Variants in IMPG1 observed in about 807,000 individuals in gnomAD.
IMPG1 encodes the protein interphotoreceptor matrix proteoglycan 1, also known as interphotoreceptor matrix proteoglycan of 150 kDa.
A neutral mutation model predicts 92.0 loss-of-function variants in IMPG1; 85 were observed. That is an observed-to-expected ratio of 0.92 (90% CI 0.78 to 1.11). The LOEUF is 1.11. Ranked by LOEUF, IMPG1 falls within the 50% of genes least tolerant of loss-of-function variation. The pLI is 0.00. For missense variants in IMPG1, 1,022 were observed against 956.0 expected, an observed-to-expected ratio of 1.07 and a Z score of -0.91; for synonymous variants, 367 against 334.1, an observed-to-expected ratio of 1.10 and a Z score of -1.08.
intron 1 of IMPG1, among the ~76,000 whole-genome samples, chr6:76,065,755 A>T (rs900479940): frequency 1.3e-5 from 2 of 152,110 alleles, no homozygotes; most frequent in African/African-American, 4.8e-5. Flanking sequence ...TGCAAAATGA[A>T]CTTCACAGAG....
intron 15 of IMPG1, among the ~76,000 whole-genome samples, chr6:75,924,667 A>ATATCATATTATATAT (rs376659354): frequency 1.2e-4 from 1 of 8,008 alleles, no homozygotes; most frequent in African/African-American, 4.2e-4. Context: ...AATATATAAT[A>ATATCATATTATATAT]AATTATATAT....
chr6:76,032,453 TA>T (rs923509455), intron 4 of IMPG1, among the ~76,000 whole-genome samples: 4 of 152,228 alleles, frequency 2.6e-5, no homozygotes, highest in Non-Finnish European at 5.9e-5. Flanking sequence ...AATATCTTTT[TA>T]AAATCTATAA....
In IMPG1 at chr6:75,972,608, T is replaced by A. The variant is rs563049098; in HGVS notation, c.1292-21514A>T. The stretch of plus-strand genomic sequence containing the variant: ...GCAGTCCATTTCTTTGAGACATGCC[T>A]AATTAATGAACAGTCTCCCAATTTT... On this transcript the variant is annotated intron_variant, in intron 12 of 16. Coordinates refer to ENST00000369950, the MANE Select transcript of IMPG1 (RefSeq NM_001563.4). Among the ~76,000 whole-genome samples, 404 of 152,336 alleles carry A rather than the reference T, an allele frequency of 2.7e-3. 1 individual carries two copies. Among genetic ancestry groups the A allele is most frequent in the African/African-American group, 9.4e-3 (392 of 41,580 alleles).
In IMPG1 at chr6:75,924,902, C is replaced by G. The variant is rs1319393681; in HGVS notation, c.2244-1196G>C. Among the ~76,000 whole-genome samples, 3 of 147,992 alleles carry G rather than the reference C, an allele frequency of 2.0e-5. No homozygotes were observed. In the East Asian group the frequency reaches 5.9e-4, roughly 29 times the overall value. The stretch of plus-strand genomic sequence containing the variant: ...CACAGACAAATACTGCAAGCTCTCA[C>G]TCGTGGAATTTAAAAAGCTGATCTT... On this transcript the variant is annotated intron_variant, in intron 15 of 16. Transcript: ENST00000369950.
At chr6:76,050,374 C>T (rs1784020819) in intron 1 of IMPG1, among the ~76,000 whole-genome samples, 1 of 151,996 alleles carries the variant, frequency 6.6e-6, no homozygotes, top group Non-Finnish European at 1.5e-5. Context: ...ACCTGGGAGG[C>T]GGAGGTTGCA....
At chr6:75,944,642 C>T (rs1472916731) in intron 14 of IMPG1, among the ~76,000 whole-genome samples, 2 of 152,160 alleles carry the variant, frequency 1.3e-5, no homozygotes, top group African/African-American at 4.8e-5. Flanking sequence ...TTTTGTCACT[C>T]TCCAGGTATC....
chr6:76,043,145 A>T (rs1489751363), intron 1 of IMPG1, among the ~76,000 whole-genome samples: 4 of 152,060 alleles, frequency 2.6e-5, no homozygotes, highest in Non-Finnish European at 4.4e-5. Flanking sequence ...TTAACAGTGT[A>T]GTCAGATCTC....
At position 76,022,172 on chromosome 6, in the gene IMPG1, T is replaced by C. The variant is rs1164791706; in HGVS notation, c.610A>G (p.Thr204Ala). The C allele has an allele frequency of 3.8e-6, 6 of 1,598,460 alleles. No homozygotes were observed. The highest frequency in any genetic ancestry group is 5.1e-6 in the Non-Finnish European group (6 of 1,169,298). Reference sequence around the variant, plus strand: ...TTATCGAGAATTTCATTGAGGAGGGTGTCATCAGGAGTGAGAGGGAAAGGC... The same window carrying C: ...TTATCGAGAATTTCATTGAGGAGGGCGTCATCAGGAGTGAGAGGGAAAGGC... ...LGPFPLTPDD[T>A]LLNEILDNTL... Residue 204 changes from threonine to alanine, a missense_variant, in exon 6 of 17, where the codon ACC becomes GCC. Physicochemically the swap from Thr to Ala is moderately conservative, Grantham distance 58 (BLOSUM62 0). Around this residue, in one of 3 missense-constraint regions of IMPG1, gnomAD observed 681 missense variants for 583.6 expected, o/e 1.17. Coordinates refer to ENST00000369950, the MANE Select transcript of IMPG1 (RefSeq NM_001563.4).
At chr6:76,016,388 T>C (rs1323858480) in intron 7 of IMPG1, among the ~76,000 whole-genome samples, 3 of 152,220 alleles carry the variant, frequency 2.0e-5, no homozygotes, top group Non-Finnish European at 4.4e-5. Context: ...CTGACTATAC[T>C]AAGGAATTGC....
chr6:76,031,808 G>C (rs1783656811), intron 4 of IMPG1, among the ~76,000 whole-genome samples: 1 of 152,142 alleles, frequency 6.6e-6, no homozygotes, highest in African/African-American at 2.4e-5. Context: ...CCTGGCTATT[G>C]CATTAGTTAC....
chr6:76,065,392 A>G (rs896105400), intron 1 of IMPG1, among the ~76,000 whole-genome samples: 9 of 152,124 alleles, frequency 5.9e-5, no homozygotes, highest in Non-Finnish European at 1.5e-5. Context: ...TAAAATAAAA[A>G]ACCTGATAGG....
At chr6:76,016,754 G>A (rs934241629) in intron 7 of IMPG1, among the ~76,000 whole-genome samples, 8 of 152,130 alleles carry the variant, frequency 5.3e-5, no homozygotes, top group African/African-American at 1.9e-4. Flanking sequence ...TCTCATGGAT[G>A]CTTCTATTTT....
intron 1 of IMPG1, among the ~76,000 whole-genome samples, chr6:76,059,454 A>G (rs1582136356): frequency 6.6e-6 from 1 of 151,960 alleles, no homozygotes; most frequent in East Asian, 1.9e-4. Flanking sequence ...CTCCATTTCT[A>G]GCACAGAGCT....
At chr6:75,943,705 G>T (rs573208462) in intron 14 of IMPG1, among the ~76,000 whole-genome samples, 13 of 152,160 alleles carry the variant, frequency 8.5e-5, no homozygotes, top group African/African-American at 3.1e-4. Context: ...GGCTATCCCC[G>T]GCCAAAGGCT....
chr6:75,992,310 CTCTT>C (rs1327086511), intron 12 of IMPG1, among the ~76,000 whole-genome samples: 2 of 152,192 alleles, frequency 1.3e-5, no homozygotes, highest in African/African-American at 4.8e-5. Flanking sequence ...CTCCCTCTCT[CTCTT>C]TCTCATTGTG....
chr6:76,068,901 C>A (rs1419826517), intron 1 of IMPG1, among the ~76,000 whole-genome samples: 1 of 151,770 alleles, frequency 6.6e-6, no homozygotes, highest in Non-Finnish European at 1.5e-5. Flanking sequence ...TTAGAAAAAA[C>A]AATACTAATA....
chr6:76,025,299 G>T, intron 4 of IMPG1, 41 bp from the exon 5 acceptor site: 1 of 1,116,182 alleles, frequency 9.0e-7, no homozygotes, highest in South Asian at 1.3e-5. Flanking sequence ...TGGTGAAAGA[G>T]AACTTGATGA....
At chr6:75,955,481 A>T (rs1194742300) in intron 12 of IMPG1, among the ~76,000 whole-genome samples, 1 of 151,544 alleles carries the variant, frequency 6.6e-6, no homozygotes, top group Non-Finnish European at 1.5e-5. Context: ...GAGACTTATC[A>T]GCTTAAGGAG....
intron 1 of IMPG1, among the ~76,000 whole-genome samples, chr6:76,044,883 G>A (rs1201326942): frequency 1.3e-5 from 2 of 152,162 alleles, no homozygotes; most frequent in African/African-American, 4.8e-5. Context: ...GATCCTATTT[G>A]ATATGGGTCT....
Sources: allele counts gnomAD v4.1 joint callset (sites outside exome capture counted in the v4.1 genomes callset), GRCh38; gene constraint gnomAD v4.1.1; regional missense constraint gnomAD v4.1.1; transcripts MANE v1.5; gene names NCBI Gene and HGNC (gene_info 2026-07-23, HGNC 2026-07-21).